Variants in C7orf78 observed in about 807,000 individuals in gnomAD.
The protein encoded by C7orf78 is chromosome 7 open reading frame 78, also known as putative uncharacterized protein C7orf78.
chr7:12,537,577 A>C, the C7orf78 span, among the ~76,000 whole-genome samples: 99 of 152,328 alleles, frequency 6.5e-4, no homozygotes, highest in South Asian at 3.3e-3. Context: ...CTAAAGTTGG[A>C]TGTATACATA....
At chr7:12,495,602 A>G in the C7orf78 span, among the ~76,000 whole-genome samples, 1 of 152,202 alleles carries the variant, frequency 6.6e-6, no homozygotes, top group Non-Finnish European at 1.5e-5. Context: ...TAGCTACATT[A>G]TGGCATTAGT....
chr7:12,523,484 A>AT, the C7orf78 span: 1 of 397,260 alleles, frequency 2.5e-6, no homozygotes, highest in East Asian at 3.6e-5. Context: ...ACTATGTATT[A>AT]TTTTTTATTC....
At chr7:12,503,478 G>T in the C7orf78 span, among the ~76,000 whole-genome samples, 1 of 152,036 alleles carries the variant, frequency 6.6e-6, no homozygotes, top group Non-Finnish European at 1.5e-5. Flanking sequence ...AGGGGAAAAA[G>T]TTGGAGATAT....
At chr7:12,513,191 C>A in the C7orf78 span, among the ~76,000 whole-genome samples, 1 of 151,092 alleles carries the variant, frequency 6.6e-6, no homozygotes, top group Non-Finnish European at 1.5e-5. Flanking sequence ...TTTTTTCTTT[C>A]TTTCTTTCTT....
chr7:12,521,262 T>G, the C7orf78 span, among the ~76,000 whole-genome samples: 1 of 152,106 alleles, frequency 6.6e-6, no homozygotes, highest in African/African-American at 2.4e-5. Flanking sequence ...TTGTTAATTG[T>G]TTTCTGGTTG....
chr7:12,503,233 T>TAATTAATAAATA, the C7orf78 span, among the ~76,000 whole-genome samples: 1 of 135,610 alleles, frequency 7.4e-6, no homozygotes, highest in African/African-American at 2.7e-5. Context: ...TAAAGTATAA[T>TAATTAATAAATA]AATAAACAAA....
chr7:12,527,144 C>T, the C7orf78 span, among the ~76,000 whole-genome samples: 1 of 147,400 alleles, frequency 6.8e-6, no homozygotes, highest in Non-Finnish European at 1.5e-5. Context: ...TAGAAAATGC[C>T]ACCTAGCTGT....
the C7orf78 span, among the ~76,000 whole-genome samples, chr7:12,513,244 C>CT: frequency 6.8e-6 from 1 of 146,040 alleles, no homozygotes; most frequent in African/African-American, 2.5e-5. Flanking sequence ...TTCCTTCTTT[C>CT]TTTTTTTGTT....
At chr7:12,517,606 T>G in the C7orf78 span, among the ~76,000 whole-genome samples, 15 of 152,188 alleles carry the variant, frequency 9.9e-5, no homozygotes, top group African/African-American at 3.4e-4. Context: ...TTTGTCTGAC[T>G]GGGTTATTTC....
chr7:12,535,692 G>T, the C7orf78 span, among the ~76,000 whole-genome samples: 6 of 152,238 alleles, frequency 3.9e-5, no homozygotes, highest in African/African-American at 9.6e-5. Context: ...TGCCTATAAG[G>T]CTATAAAATC....
the C7orf78 span, among the ~76,000 whole-genome samples, chr7:12,524,833 A>T: frequency 0.51 from 76,570 of 151,398 alleles, 19,643 homozygotes; most frequent in Admixed American, 0.57. Context: ...ATAATAATAA[A>T]TAAATAAATA....
the C7orf78 span, chr7:12,522,950 C>T: frequency 1.0e-5 from 4 of 397,968 alleles, no homozygotes; most frequent in African/African-American, 6.2e-5. Context: ...CAAGCTTCAC[C>T]TATTTCCATG....
At chr7:12,522,454 G>A in the C7orf78 span, among the ~76,000 whole-genome samples, 1 of 152,054 alleles carries the variant, frequency 6.6e-6, no homozygotes, top group African/African-American at 2.4e-5. Context: ...TGATGGTTTA[G>A]GCAGCCATAG....
chr7:12,490,290 G>C, the C7orf78 span, among the ~76,000 whole-genome samples: 1 of 152,122 alleles, frequency 6.6e-6, no homozygotes, highest in East Asian at 1.9e-4. Flanking sequence ...ACTTTAACAT[G>C]ATAATTATGC....
the C7orf78 span, among the ~76,000 whole-genome samples, chr7:12,500,537 T>C: frequency 2.0e-5 from 3 of 149,948 alleles, no homozygotes; most frequent in African/African-American, 7.4e-5. Flanking sequence ...CAGGAAGAAG[T>C]TGAATCTCTG....
chr7:12,493,435 C>T, the C7orf78 span, among the ~76,000 whole-genome samples: 1 of 152,168 alleles, frequency 6.6e-6, no homozygotes, highest in Non-Finnish European at 1.5e-5. Flanking sequence ...GTTGACCAGA[C>T]ATCAGAATCC....
At chr7:12,503,915 G>T in the C7orf78 span, among the ~76,000 whole-genome samples, 6 of 151,988 alleles carry the variant, frequency 3.9e-5, no homozygotes, top group African/African-American at 1.4e-4. Flanking sequence ...TTTGAGACCA[G>T]CCTAGGCGAC....
the C7orf78 span, chr7:12,528,799 T>TA: frequency 2.5e-6 from 1 of 396,250 alleles, no homozygotes; most frequent in Admixed American, 4.4e-5. Flanking sequence ...TCCAGCGACT[T>TA]ACCACTCCTG....
At chr7:12,491,248 A>G in the C7orf78 span, 2 of 152,188 alleles carry the variant, frequency 1.3e-5, no homozygotes, top group South Asian at 4.1e-4. Flanking sequence ...CTTAATGTGC[A>G]TAGGGATGTC....
Sources: allele counts gnomAD v4.1 joint callset (sites outside exome capture counted in the v4.1 genomes callset), GRCh38; gene constraint gnomAD v4.1.1; transcripts MANE v1.5; gene names NCBI Gene and HGNC (gene_info 2026-07-23, HGNC 2026-07-21).